Variants in PRKCQ observed in about 807,000 individuals in gnomAD.
PRKCQ encodes the protein protein kinase C theta, also known as protein kinase C theta type.
In PRKCQ, 41 loss-of-function variants were observed where a neutral mutation model predicts 91.2. The observed-to-expected ratio is 0.45, with a 90% CI of 0.35 to 0.58. PRKCQ has a LOEUF of 0.58. Ranked by LOEUF, PRKCQ falls within the 20% of genes least tolerant of loss-of-function variation. PRKCQ has a pLI of 0.00. For synonymous variants in PRKCQ, 307 were observed against 316.9 expected (o/e 0.97, Z 0.33); for missense variants, 673 against 896.5 (o/e 0.75, Z 3.18).
chr10:6,440,902 C>T (rs779167597), intron 16 of PRKCQ, among the ~76,000 whole-genome samples: 26 of 152,092 alleles, frequency 1.7e-4, no homozygotes, highest in Non-Finnish European at 2.8e-4. Flanking sequence ...GCAGGAGAAT[C>T]GCTTTAACCT....
chr10:6,460,335 G>T (rs1187534526), intron 14 of PRKCQ, among the ~76,000 whole-genome samples: 1 of 150,824 alleles, frequency 6.6e-6, no homozygotes, highest in African/African-American at 2.4e-5. Context: ...TAATTTACAT[G>T]GTGACATGAT....
rs1833158628 is a variant in PRKCQ, at chr10:6,427,259, C to G, written c.*948G>C. The G allele has an allele frequency of 1.3e-5, 2 of 151,920 alleles. No homozygotes were observed. Among genetic ancestry groups the G allele is most frequent in the Non-Finnish European group, 2.9e-5 (2 of 68,028 alleles). The allele number at this position is 151,920 out of a possible 1,614,324, so 9.4% of individuals were successfully genotyped here. On this transcript the variant is annotated 3_prime_UTR_variant, in exon 18 of 18. Transcript: ENST00000263125. ...ACCTTTAAAATGTATGGTTGGAATT[C>G]TAATTCAACTCAATTGACTGCTGCA... is the stretch of plus-strand genomic sequence containing the variant.
intron 1 of PRKCQ, among the ~76,000 whole-genome samples, chr10:6,529,101 C>G (rs1397444015): frequency 1.3e-5 from 2 of 152,176 alleles, no homozygotes; most frequent in Non-Finnish European, 2.9e-5. Context: ...TGTGCAATTC[C>G]CTCCAAGCTT....
In PRKCQ at chr10:6,456,758, C is replaced by G; in HGVS notation, c.1563G>C (p.Ala521=). 6.2e-7 allele frequency: 1 copy of G among 1,614,092 alleles called. No homozygotes were observed. Among genetic ancestry groups the G allele is most frequent in the Non-Finnish European group, 8.5e-7 (1 of 1,179,992 alleles). ...TGTTCTCCTTGCACATTCCAAAATC[C>G]GCGATCTTGATATGTCCATCTTTGT... ...LLDKDGHIKI[A]DFGMCKENML... Residue 521 remains alanine (A), a synonymous_variant, in exon 15 of 18, where the codon GCG becomes GCC. Coordinates refer to ENST00000263125, the MANE Select transcript of PRKCQ (RefSeq NM_006257.5).
chr10:6,475,032 A>T (rs1836198309), intron 12 of PRKCQ, among the ~76,000 whole-genome samples: 1 of 152,230 alleles, frequency 6.6e-6, no homozygotes. Flanking sequence ...CCTCTTGCCA[A>T]GACAGCAGCC....
intron 12 of PRKCQ, among the ~76,000 whole-genome samples, chr10:6,473,755 T>C (rs1564330365): frequency 6.6e-6 from 1 of 152,236 alleles, no homozygotes; most frequent in Non-Finnish European, 1.5e-5. Context: ...AAGCAGTTTC[T>C]GAATAAAATG....
chr10:6,447,993 T>C (rs1818965685), intron 15 of PRKCQ, among the ~76,000 whole-genome samples: 1 of 152,164 alleles, frequency 6.6e-6, no homozygotes, highest in Non-Finnish European at 1.5e-5. Context: ...GAAAGAAAAC[T>C]TCACCAAGTG....
At chr10:6,513,468 G>T (rs953094512) in intron 2 of PRKCQ, among the ~76,000 whole-genome samples, 3 of 101,554 alleles carry the variant, frequency 3.0e-5, no homozygotes, top group Non-Finnish European at 6.0e-5. Context: ...AAAAAAAAAA[G>T]CCCTCAGGAA....
chr10:6,502,311 T>C (rs773648801), intron 4 of PRKCQ, among the ~76,000 whole-genome samples: 11 of 152,170 alleles, frequency 7.2e-5, no homozygotes, highest in East Asian at 1.9e-4. Context: ...GTTTCTGTGC[T>C]GAATTCTGGA....
the PRKCQ span, among the ~76,000 whole-genome samples, chr10:6,397,498 T>C: frequency 6.6e-6 from 1 of 152,380 alleles, no homozygotes; most frequent in East Asian, 1.9e-4. Context: ...TTGCAAATAT[T>C]TTCTCCTAGT....
At chr10:6,394,621 T>C in the PRKCQ span, among the ~76,000 whole-genome samples, 1 of 149,596 alleles carries the variant, frequency 6.7e-6, no homozygotes, top group Non-Finnish European at 1.5e-5. Flanking sequence ...TGTAAATACA[T>C]ACGCCAAATC....
chr10:6,570,658 G>A (rs931898305), intron 1 of PRKCQ, among the ~76,000 whole-genome samples: 4 of 151,498 alleles, frequency 2.6e-5, no homozygotes, highest in South Asian at 2.1e-4. Context: ...GGGTTCAAGC[G>A]ATTCTCCTGC....
chr10:6,566,147 T>C (rs1840828843), intron 1 of PRKCQ, among the ~76,000 whole-genome samples: 1 of 152,236 alleles, frequency 6.6e-6, no homozygotes, highest in South Asian at 2.1e-4. Flanking sequence ...GAACGAATCA[T>C]GTTTTGCTGT....
At chr10:6,559,632 T>A (rs1840548678) in intron 1 of PRKCQ, among the ~76,000 whole-genome samples, 1 of 152,210 alleles carries the variant, frequency 6.6e-6, no homozygotes, top group South Asian at 2.1e-4. Flanking sequence ...GTGCTGAGAT[T>A]ACAGGTGTGA....
At chr10:6,437,854 C>A (rs532936655) in intron 16 of PRKCQ, among the ~76,000 whole-genome samples, 1 of 152,020 alleles carries the variant, frequency 6.6e-6, no homozygotes, top group Non-Finnish European at 1.5e-5. Context: ...GGGGTTTCAC[C>A]GTGTAAGCCA....
chr10:6,519,804 C>T (rs940913074), intron 1 of PRKCQ, among the ~76,000 whole-genome samples: 13 of 152,184 alleles, frequency 8.5e-5, no homozygotes, highest in African/African-American at 3.1e-4. Context: ...TAACTCCCCT[C>T]ATAAATATGT....
At chr10:6,476,733 G>GA (rs1272200447) in intron 12 of PRKCQ, among the ~76,000 whole-genome samples, 46 of 152,128 alleles carry the variant, frequency 3.0e-4, no homozygotes, top group African/African-American at 1.1e-3. Context: ...TGGCAAAAAA[G>GA]AAAAAATGTG....
chr10:6,510,586 G>A (rs1238426360), intron 3 of PRKCQ, among the ~76,000 whole-genome samples: 1 of 152,168 alleles, frequency 6.6e-6, no homozygotes, highest in East Asian at 1.9e-4. Context: ...AAGCATTAGA[G>A]TTGTTGTTTC....
At chr10:6,446,365 T>G in intron 15 of PRKCQ, among the ~76,000 whole-genome samples, 1 of 145,946 alleles carries the variant, frequency 6.9e-6, no homozygotes, top group South Asian at 2.2e-4. Context: ...CAGTTTTTTT[T>G]TTTTTTTTTT....
Sources: allele counts gnomAD v4.1 joint callset (sites outside exome capture counted in the v4.1 genomes callset), GRCh38; gene constraint gnomAD v4.1.1; transcripts MANE v1.5; gene names NCBI Gene and HGNC (gene_info 2026-07-23, HGNC 2026-07-21).